The following EFEMP1 variants were observed in gnomAD, a reference collection of about 807,000 sequenced individuals.
EFEMP1 encodes the protein EGF-containing fibulin-like extracellular matrix protein 1.
Under a neutral mutation model 65.7 loss-of-function variants are expected in EFEMP1, and 18 were observed. The observed-to-expected ratio is 0.27, with a 90% CI of 0.19 to 0.41. EFEMP1 has a LOEUF of 0.41. Ranked by LOEUF, EFEMP1 falls within the 10% of genes least tolerant of loss-of-function variation. The pLI, the probability that EFEMP1 is intolerant of heterozygous loss-of-function variation, is 1.00. For synonymous variants in EFEMP1, 237 were observed against 219.7 expected, an observed-to-expected ratio of 1.08 and a Z score of -0.70; for missense variants, 469 against 624.8, an observed-to-expected ratio of 0.75 and a Z score of 2.66.
Position 55,885,327 on chromosome 2 carries a change from C to G in EFEMP1, c.518-3593G>C, listed in dbSNP as rs996236741. 1.3e-5 allele frequency among the ~76,000 whole-genome samples: 2 copies of G among 152,158 alleles called. No individual in the cohort carries two copies. The highest frequency in any genetic ancestry group is 4.8e-5 in the African/African-American group (2 of 41,424). ...TGGCGTCAGCACAGCTGCCGGGGCT[C>G]TGTGTGAGGAGCCTGGTGCAGTGCC... On this transcript the variant is annotated intron_variant, in intron 5 of 11. Coordinates refer to ENST00000355426, the MANE Select transcript of EFEMP1 (RefSeq NM_001039348.3). The surrounding 1 kb of genome is among the most constrained non-coding windows in gnomAD (Gnocchi z 4.3).
chr2:55,866,657 C>T lies in EFEMP1; in HGVS notation c.*416G>A, dbSNP rs1668588713. The T allele has an allele frequency of 6.2e-6, 1 of 162,428 alleles. No homozygotes were observed. Among genetic ancestry groups the T allele is most frequent in the African/African-American group, 2.4e-5 (1 of 41,568 alleles). 10.1% of individuals were successfully genotyped at this position (162,428 alleles called of 1,614,324 possible). A position where few individuals can be genotyped will look rare whatever the true frequency, so the allele number is the denominator to read the frequency against. On this transcript the variant is annotated 3_prime_UTR_variant, in exon 12 of 12. Coordinates refer to ENST00000355426, the MANE Select transcript of EFEMP1 (RefSeq NM_001039348.3). ...TGACCTTTTCCATTTTCTTACAAAG[C>T]AGTTAAAAACTCATTCTTACCCTTG... is the stretch of plus-strand genomic sequence containing the variant.
At chr2:55,893,217 G>A (rs1669699318) in intron 5 of EFEMP1, among the ~76,000 whole-genome samples, 1 of 152,056 alleles carries the variant, frequency 6.6e-6, no homozygotes, top group African/African-American at 2.4e-5. Flanking sequence ...TAAGTTCTAA[G>A]TTATTTTATT....
intron 5 of EFEMP1, among the ~76,000 whole-genome samples, chr2:55,907,806 C>A (rs546854515): frequency 6.6e-6 from 1 of 152,308 alleles, no homozygotes; most frequent in African/African-American, 2.4e-5. Context: ...GGATTCCTTG[C>A]AACACACAAG....
intron 5 of EFEMP1, among the ~76,000 whole-genome samples, chr2:55,907,288 T>C (rs1463812234): frequency 2.6e-5 from 4 of 152,186 alleles, no homozygotes; most frequent in Non-Finnish European, 5.9e-5. Context: ...CTTGAATAGG[T>C]ATCTGTATGT....
In EFEMP1 at chr2:55,880,065, A is replaced by G. The variant is rs146712838; in HGVS notation, c.640+1547T>C. On this transcript the variant is annotated intron_variant, in intron 6 of 11. Transcript: ENST00000355426. ...TGTAAAGAGCTTGTATAGAGGCACC[A>G]AAGTGTAAGTAACACTGTGTGACGT... Among the ~76,000 whole-genome samples, 56 of 152,314 alleles carry G rather than the reference A, an allele frequency of 3.7e-4. No individual in the cohort carries two copies. In the East Asian group the frequency reaches 9.8e-3, roughly 27 times the overall value.
At chr2:55,899,494 C>A (rs1202187432) in intron 5 of EFEMP1, among the ~76,000 whole-genome samples, 2 of 152,146 alleles carry the variant, frequency 1.3e-5, no homozygotes, top group Non-Finnish European at 2.9e-5. Context: ...CTTACATTAA[C>A]AATTTGGGCC....
Position 55,886,975 on chromosome 2 carries a change from C to T in EFEMP1, c.518-5241G>A, listed in dbSNP as rs1037994248. Among the ~76,000 whole-genome samples, 1 of 151,944 alleles carries T rather than the reference C, an allele frequency of 6.6e-6. No individual in the cohort carries two copies. The highest frequency in any genetic ancestry group is 2.4e-5 in the African/African-American group (1 of 41,394). ...AAGTATATAATATTTTATACAGATT[C>T]ATATACAAACTTGGTAACATTCTAA... On this transcript the variant is annotated intron_variant, in intron 5 of 11. Transcript: ENST00000355426. This position sits in a 1 kb window ranked among gnomAD's most constrained non-coding sequence, Gnocchi z 4.0.
In EFEMP1 at chr2:55,867,207, C is replaced by T. The variant is rs374643957; in HGVS notation, c.1348G>A (p.Val450Met). 6 of 1,613,912 alleles carry T rather than the reference C, an allele frequency of 3.7e-6. No individual in the cohort carries two copies. The African/African-American group carries it at 8.0e-5, about 22-fold the overall frequency. Residue 450 changes from valine to methionine, a missense_variant, in exon 12 of 12, where the codon GTG becomes ATG. Physicochemically the swap from Val to Met is conservative, Grantham distance 21 (BLOSUM62 1). Coordinates refer to ENST00000355426, the MANE Select transcript of EFEMP1 (RefSeq NM_001039348.3). This position sits in a 1 kb window ranked among gnomAD's most constrained non-coding sequence, Gnocchi z 4.3. Reference sequence around the variant, plus strand: ...GGTCCTGATAATGACTTCACGAGCACAAGCATTGCACTTACAGGACTTGTT... The same window carrying T: ...GGTCCTGATAATGACTTCACGAGCATAAGCATTGCACTTACAGGACTTGTT... ...RQTSPVSAMLVLVKSLSGPRE... is the reference protein window; with the variant it reads ...RQTSPVSAMLMLVKSLSGPRE...
chr2:55,870,670 A>G lies in EFEMP1; in HGVS notation c.1320+50T>C. The G allele has an allele frequency of 2.5e-6, 4 of 1,604,184 alleles. No homozygotes were observed. The highest frequency in any genetic ancestry group is 1.1e-5 in the South Asian group (1 of 90,372). ...CAACAACAACAACAACAACAACAAC[A>G]ACAAACTCCCATCTTTCTCAATAGT... On this transcript the variant is annotated intron_variant, in intron 11 of 11. Transcript: ENST00000355426. The surrounding 1 kb of genome is among the most constrained non-coding windows in gnomAD (Gnocchi z 5.8).
intron 3 of EFEMP1, among the ~76,000 whole-genome samples, chr2:55,918,753 C>T (rs1572852364): frequency 6.6e-6 from 1 of 151,522 alleles, no homozygotes; most frequent in African/African-American, 2.4e-5. Flanking sequence ...TGACCTGCTC[C>T]CTAGCTTCAG....
rs1558468815 is a variant in EFEMP1, at chr2:55,886,247, A to C, written c.518-4513T>G. Reference sequence around the variant, plus strand: ...TCTCCATCTCTGAAATAGAGAGTCTATCCTCAACAATAACACACAGATTTT... The same window carrying C: ...TCTCCATCTCTGAAATAGAGAGTCTCTCCTCAACAATAACACACAGATTTT... On this transcript the variant is annotated intron_variant, in intron 5 of 11. Coordinates refer to ENST00000355426, the MANE Select transcript of EFEMP1 (RefSeq NM_001039348.3). This position sits in a 1 kb window ranked among gnomAD's most constrained non-coding sequence, Gnocchi z 4.0. Among the ~76,000 whole-genome samples the C allele has an allele frequency of 6.6e-6, 1 of 152,170 alleles. No individual in the cohort carries two copies. Among genetic ancestry groups the C allele is most frequent in the Admixed American group, 6.5e-5 (1 of 15,272 alleles).
At chr2:55,918,077 G>C (rs200948195) in intron 4 of EFEMP1, 26 bp from the exon 5 acceptor site, 2 of 1,614,116 alleles carry the variant, frequency 1.2e-6, no homozygotes, top group Non-Finnish European at 8.5e-7. Flanking sequence ...AAATAAGTCA[G>C]GAATCTTCTA....
chr2:55,884,190 T>C (rs922895049), intron 5 of EFEMP1, among the ~76,000 whole-genome samples: 6 of 152,232 alleles, frequency 3.9e-5, no homozygotes, highest in Admixed American at 1.3e-4. Context: ...ACAGACTGAA[T>C]TTCTTTGACC....
Position 55,867,924 on chromosome 2 carries a change from G to A in EFEMP1, c.1321-690C>T, listed in dbSNP as rs562697736. On this transcript the variant is annotated intron_variant, in intron 11 of 11. Transcript: ENST00000355426. The surrounding 1 kb of genome is among the most constrained non-coding windows in gnomAD (Gnocchi z 4.3). ...GAGATGAGGTTGGAGAGGCAGGTAA[G>A]TGGATGTGTGAGTTTGAATGCCAAG... Among the ~76,000 whole-genome samples, 81 of 152,272 alleles carry A rather than the reference G, an allele frequency of 5.3e-4. No homozygotes were observed. Among genetic ancestry groups the A allele is most frequent in the African/African-American group, 1.9e-3 (81 of 41,554 alleles).
chr2:55,885,809 G>C lies in EFEMP1; in HGVS notation c.518-4075C>G, dbSNP rs749061658. On this transcript the variant is annotated intron_variant, in intron 5 of 11. Coordinates refer to ENST00000355426, the MANE Select transcript of EFEMP1 (RefSeq NM_001039348.3). The surrounding 1 kb of genome is among the most constrained non-coding windows in gnomAD (Gnocchi z 4.3). Reference sequence around the variant, plus strand: ...AGACAACTTTGTCCACATCTCTGTGGTGTCCATTAAGTCCCTGCTTAGGCC... The same window carrying C: ...AGACAACTTTGTCCACATCTCTGTGCTGTCCATTAAGTCCCTGCTTAGGCC... Among the ~76,000 whole-genome samples, 1 of 152,194 alleles carries C rather than the reference G, an allele frequency of 6.6e-6. No individual in the cohort carries two copies. Among genetic ancestry groups the C allele is most frequent in the East Asian group, 1.9e-4 (1 of 5,188 alleles).
At chr2:55,876,165 C>A (rs553769536) in intron 8 of EFEMP1, among the ~76,000 whole-genome samples, 2 of 152,162 alleles carry the variant, frequency 1.3e-5, no homozygotes, top group East Asian at 3.9e-4. Context: ...GGAATAGAAC[C>A]AGAAACCAGA....
chr2:55,905,345 T>A (rs762903571), intron 5 of EFEMP1, among the ~76,000 whole-genome samples: 1 of 152,218 alleles, frequency 6.6e-6, no homozygotes, highest in Non-Finnish European at 1.5e-5. Context: ...CCAGAAACTA[T>A]GTATTTTACT....
intron 11 of EFEMP1, among the ~76,000 whole-genome samples, chr2:55,868,474 G>T (rs1346026161): frequency 6.6e-6 from 1 of 152,122 alleles, no homozygotes; most frequent in African/African-American, 2.4e-5. Context: ...GGGGATGTTG[G>T]ATATTCAACC....
Position 55,885,496 on chromosome 2 carries a change from A to G in EFEMP1, c.518-3762T>C, listed in dbSNP as rs1669391985. ...AGCCTAATGTTAACATTACCAAAGA[A>G]CAAAATAATAGATTGTGCTTCCTAA... On this transcript the variant is annotated intron_variant, in intron 5 of 11. Coordinates refer to ENST00000355426, the MANE Select transcript of EFEMP1 (RefSeq NM_001039348.3). This position sits in a 1 kb window ranked among gnomAD's most constrained non-coding sequence, Gnocchi z 4.3. 6.6e-6 allele frequency among the ~76,000 whole-genome samples: 1 copy of G among 152,230 alleles called. No homozygotes were observed. The highest frequency in any genetic ancestry group is 6.5e-5 in the Admixed American group (1 of 15,288).
Sources: allele counts gnomAD v4.1 joint callset (sites outside exome capture counted in the v4.1 genomes callset), GRCh38; gene constraint gnomAD v4.1.1; non-coding constraint Gnocchi (gnomAD v3.1); transcripts MANE v1.5; gene names NCBI Gene and HGNC (gene_info 2026-07-23, HGNC 2026-07-21).